The following WDR35 variants were observed in gnomAD, a reference collection of about 807,000 sequenced individuals.
WDR35 encodes WD repeat domain 35.
WDR35 carries 118 observed loss-of-function variants against 158.3 expected under a neutral mutation model. The observed-to-expected ratio is 0.75, with a 90% CI of 0.64 to 0.87. The LOEUF is 0.87. Among genes scored for constraint, WDR35 ranks in the 40% least tolerant of loss-of-function variants. The pLI is 0.00. For synonymous variants in WDR35, 448 were observed against 476.1 expected, an observed-to-expected ratio of 0.94 and a Z score of 0.77; for missense variants, 1,263 against 1,405.8, an observed-to-expected ratio of 0.90 and a Z score of 1.62.
At chr2:19,969,378 C>G in intron 9 of WDR35, 102 bp downstream of exon 9, 9 of 1,296,226 alleles carry the variant, frequency 6.9e-6, no homozygotes, top group Non-Finnish European at 9.5e-6. Flanking sequence ...GGCTTCCTTT[C>G]TGCTAGCTCC....
intron 16 of WDR35, among the ~76,000 whole-genome samples, chr2:19,942,379 A>G (rs1670907761): frequency 6.6e-6 from 1 of 152,278 alleles, no homozygotes; most frequent in East Asian, 1.9e-4. Flanking sequence ...CATTCCTGAT[A>G]TATCTCCTAC....
At position 19,930,386 on chromosome 2, in the gene WDR35, A is replaced by G; in HGVS notation, c.3121+10T>C. The G allele has an allele frequency of 1.9e-6, 3 of 1,614,200 alleles. No individual in the cohort carries two copies. The highest frequency in any genetic ancestry group is 2.5e-6 in the Non-Finnish European group (3 of 1,180,016). ...TCAGACATACTATACACATTAGGTG[A>G]CATGCCCACCTGTCTTCAGTGCAGT... On this transcript the variant is annotated intron_variant, in intron 25 of 26. Coordinates refer to ENST00000281405, the MANE Select transcript of WDR35 (RefSeq NM_020779.4).
rs1353755719 is a variant in WDR35, at chr2:19,960,587, C to T, written c.1222G>A (p.Gly408Ser). ...ATGTATTTGGGATCCAAGGGTGTACCAATAGAATTACAAAGAACTAGTACA... is the reference window on the plus strand; with the variant it reads ...ATGTATTTGGGATCCAAGGGTGTACTAATAGAATTACAAAGAACTAGTACA... Reference protein sequence around the residue: ...QFVLVLCNSIGTPLDPKYIDI... With the variant: ...QFVLVLCNSISTPLDPKYIDI... Residue 408 changes from glycine to serine, a missense_variant, in exon 11 of 27, where the codon GGT (glycine) becomes AGT (serine). Gly to Ser is a moderately conservative substitution (Grantham distance 56). Coordinates refer to ENST00000281405, the MANE Select transcript of WDR35 (RefSeq NM_020779.4). 1.2e-6 allele frequency: 2 copies of T among 1,608,790 alleles called. No homozygotes were observed. The highest frequency in any genetic ancestry group is 4.5e-5 in the East Asian group (2 of 44,674).
chr2:19,944,841 TA>T (rs1448618911), intron 16 of WDR35, among the ~76,000 whole-genome samples: 1 of 152,088 alleles, frequency 6.6e-6, no homozygotes, highest in Non-Finnish European at 1.5e-5. Context: ...TACCACTAAA[TA>T]AATTACTCCA....
At position 19,911,840 on chromosome 2, in the gene WDR35, A is replaced by G. The variant is rs1388397816; in HGVS notation, c.*1718T>C. 3 of 152,230 alleles carry G rather than the reference A, an allele frequency of 2.0e-5. No individual in the cohort carries two copies. The highest frequency in any genetic ancestry group is 4.4e-5 in the Non-Finnish European group (3 of 68,032). 9.4% of individuals were successfully genotyped at this position (152,230 alleles called of 1,614,324 possible). ...AAGTTGATTCAATTACCCACTGGTG[A>G]CACTCATTCTGGCCTGTCCTTACCC... On this transcript the variant is annotated 3_prime_UTR_variant, in exon 27 of 27. Coordinates refer to ENST00000281405, the MANE Select transcript of WDR35 (RefSeq NM_020779.4).
At chr2:19,984,976 G>A (rs1672506931) in intron 2 of WDR35, among the ~76,000 whole-genome samples, 1 of 152,174 alleles carries the variant, frequency 6.6e-6, no homozygotes. Flanking sequence ...TTCTCTGTGT[G>A]AATGACTGAC....
At chr2:19,926,363 T>A (rs1572318033) in intron 25 of WDR35, among the ~76,000 whole-genome samples, 1 of 152,374 alleles carries the variant, frequency 6.6e-6, no homozygotes, top group East Asian at 1.9e-4. Context: ...TAAAGCTTCT[T>A]ATTCTGGATC....
chr2:19,973,647 G>A lies in WDR35; in HGVS notation c.798C>T (p.Ser266=), dbSNP rs141118263. 1.5e-4 allele frequency: 237 copies of A among 1,614,168 alleles called. 2 individuals carry two copies. Among genetic ancestry groups the A allele is most frequent in the Middle Eastern group, 9.9e-4 (6 of 6,062 alleles). The change falls in exon 8 of 27, where the codon AGC becomes AGT. Residue 266 remains serine, a synonymous_variant. Transcript: ENST00000281405. ...TCTGGAAGCCTGCCACAGCTAACAC[G>A]CTGCCCATGTGGTTCCACTGGATGC... is the stretch of plus-strand genomic sequence containing the variant. ...VVGIQWNHMG[S]VLAVAGFQKA...
chr2:19,969,589 T>C lies in WDR35; in HGVS notation c.899A>G (p.Lys300Arg), dbSNP rs776960101. The C allele has an allele frequency of 5.6e-6, 9 of 1,613,810 alleles. 1 individual carries two copies. In the South Asian group the frequency reaches 7.7e-5, roughly 14 times the overall value. ...TPFGEHLGTL[K>R]VPGKEISALS... ...TGCAGATATTTCCTTTCCAGGAACT[T>C]TCAAAGTACCCAGATGCTGAAAAAG... Residue 300 changes from lysine (K) to arginine (R), a missense_variant, in exon 9 of 27, where the codon AAA (lysine) becomes AGA (arginine). Coordinates refer to ENST00000281405, the MANE Select transcript of WDR35 (RefSeq NM_020779.4).
rs1173118009 is a variant in WDR35 at position 19,973,710 on chromosome 2, T to C, written c.737-2A>G. ...TGCCAGTGTCAATCAAAACGGGATC[T>C]AGTCAGAAAGAGAAAAATGAGGTCA... On this transcript the variant is annotated splice_acceptor_variant, in intron 7 of 26. Transcript: ENST00000281405. LOFTEE classifies it high-confidence loss of function. 6.2e-7 allele frequency: 1 copy of C among 1,612,582 alleles called. No homozygotes were observed. Among genetic ancestry groups the C allele is most frequent in the East Asian group, 2.2e-5 (1 of 44,824 alleles).
At chr2:19,972,946 G>A (rs1301815302) in intron 8 of WDR35, among the ~76,000 whole-genome samples, 1 of 151,796 alleles carries the variant, frequency 6.6e-6, no homozygotes, top group Non-Finnish European at 1.5e-5. Context: ...TCTCCTACTT[G>A]ACATTTTCCA....
intron 4 of WDR35, among the ~76,000 whole-genome samples, chr2:19,980,374 A>G (rs980351404): frequency 5.3e-5 from 8 of 152,166 alleles, no homozygotes; most frequent in African/African-American, 1.9e-4. Context: ...GGAACTACCT[A>G]GAAGTAATTC....
chr2:19,962,187 T>C lies in WDR35; in HGVS notation c.1195-1573A>G. 3 of 1,169,598 alleles carry C rather than the reference T, an allele frequency of 2.6e-6. No individual in the cohort carries two copies. The South Asian group carries it at 4.2e-5, about 16-fold the overall frequency. 72.5% of individuals were successfully genotyped at this position (1,169,598 alleles called of 1,614,324 possible). A position where few individuals can be genotyped will look rare whatever the true frequency, so the allele number is the denominator to read the frequency against. ...TTTATCTGTTAATTCCATTTTTCCATGAACCTTCTGAAGTCCCCTCATATT... is the reference window on the plus strand; with the variant it reads ...TTTATCTGTTAATTCCATTTTTCCACGAACCTTCTGAAGTCCCCTCATATT... On this transcript the variant is annotated intron_variant, in intron 10 of 26. Coordinates refer to ENST00000281405, the MANE Select transcript of WDR35 (RefSeq NM_020779.4).
intron 10 of WDR35, among the ~76,000 whole-genome samples, chr2:19,961,572 G>C (rs1206869645): frequency 6.6e-6 from 1 of 152,210 alleles, no homozygotes; most frequent in African/African-American, 2.4e-5. Context: ...AAAAGGAGAT[G>C]AAACATGGCT....
rs143343508 is a variant in WDR35 at position 19,966,735 on chromosome 2, T to A, written c.1183A>T (p.Asn395Tyr). ...FCILATKADE[N>Y]HPQFVLVLCN... ...CAAGAAACACCTACCTGAGGATGAT[T>A]TTCATCAGCTTTTGTAGCCAAAATG... The change falls in exon 10 of 27, where the codon AAT (asparagine) becomes TAT (tyrosine). Residue 395 changes from asparagine to tyrosine, a missense_variant. Physicochemically the swap from Asn to Tyr is moderately radical, Grantham distance 143. Coordinates refer to ENST00000281405, the MANE Select transcript of WDR35 (RefSeq NM_020779.4). 2.3e-3 allele frequency: 3,772 copies of A among 1,613,800 alleles called. 4 individuals carry two copies. The highest frequency in any genetic ancestry group is 2.8e-3 in the Non-Finnish European group (3,337 of 1,179,880).
intron 12 of WDR35, among the ~76,000 whole-genome samples, chr2:19,953,487 T>C (rs1305090260): frequency 6.6e-6 from 1 of 152,168 alleles, no homozygotes; most frequent in Non-Finnish European, 1.5e-5. Context: ...ATACCACTAA[T>C]GTATAGGAAT....
intron 16 of WDR35, among the ~76,000 whole-genome samples, chr2:19,943,042 TATACTG>T (rs1670928031): frequency 6.6e-6 from 1 of 152,142 alleles, no homozygotes; most frequent in African/African-American, 2.4e-5. Flanking sequence ...CATATTGTGA[TATACTG>T]AGGTTTGCAT....
chr2:19,989,254 T>C lies in WDR35; in HGVS notation c.53A>G (p.Gln18Arg), dbSNP rs1060742. 155,361 of 1,614,008 alleles carry C rather than the reference T, an allele frequency of 0.096. 8,808 individuals carry two copies. The highest frequency in any genetic ancestry group is 0.21 in the South Asian group (18,822 of 91,062). Residue 18 changes from glutamine to arginine, a missense_variant, in exon 2 of 27, where the codon CAG (glutamine) becomes CGG (arginine). Coordinates refer to ENST00000281405, the MANE Select transcript of WDR35 (RefSeq NM_020779.4). ...KISIPNNVKLQCVSWNKEQGF... is the reference protein window; with the variant it reads ...KISIPNNVKLRCVSWNKEQGF... ...TTGTTCCTTGTTCCAGGATACACAC[T>C]GCAGCTTCACGTTATTGGGAATGGA... is the stretch of plus-strand genomic sequence containing the variant.
Position 19,931,394 on chromosome 2 carries a change from C to A in WDR35, c.2839G>T (p.Ala947Ser). 6.2e-7 allele frequency: 1 copy of A among 1,613,200 alleles called. No individual in the cohort carries two copies. Among genetic ancestry groups the A allele is most frequent in the Non-Finnish European group, 8.5e-7 (1 of 1,179,622 alleles). The change falls in exon 24 of 27, where the codon GCA (alanine) becomes TCA (serine). Residue 947 changes from alanine to serine, a missense_variant. By Grantham distance (99) the Ala-to-Ser change is moderately conservative. Coordinates refer to ENST00000281405, the MANE Select transcript of WDR35 (RefSeq NM_020779.4). Reference protein sequence around the residue: ...KLMFKIADEEAKKGSKPLRVK... With the variant: ...KLMFKIADEESKKGSKPLRVK... ...CGTAAAGGTTTACTTCCTTTCTTTG[C>A]CTCTTCATCTGCAATCTTAAACATT...
Sources: allele counts gnomAD v4.1 joint callset (sites outside exome capture counted in the v4.1 genomes callset), GRCh38; gene constraint gnomAD v4.1.1; transcripts MANE v1.5; gene names NCBI Gene and HGNC (gene_info 2026-07-23, HGNC 2026-07-21).